Variants in ME3 observed in about 807,000 individuals in gnomAD.
ME3 encodes NADP-dependent malic enzyme, mitochondrial.
A neutral mutation model predicts 68.9 loss-of-function variants in ME3; 48 were observed. That is an observed-to-expected ratio of 0.70 (90% CI 0.55 to 0.89). The LOEUF (loss-of-function observed/expected upper bound fraction) is 0.89. Among genes scored for constraint, ME3 ranks in the 40% least tolerant of loss-of-function variants. ME3 has a pLI of 0.00. For missense variants in ME3, 675 were observed against 797.4 expected (o/e 0.85, Z 1.85); for synonymous variants, 320 against 318.8 (o/e 1.00, Z -0.04).
Position 86,598,033 on chromosome 11 carries a change from T to G in ME3, c.184-38210A>C, listed in dbSNP as rs570135978. Among the ~76,000 whole-genome samples, 14 of 152,000 alleles carry G rather than the reference T, an allele frequency of 9.2e-5. No homozygotes were observed. In the East Asian group the frequency reaches 2.6e-3, roughly 28 times the overall value. ...CAGCATGAGCCATGCAGAAGATGGG[T>G]GATTTCTGCATTTCCATCTGAGGTA... On this transcript the variant is annotated intron_variant, in intron 2 of 14. Coordinates refer to ENST00000543262, the Ensembl canonical transcript of ME3.
At chr11:86,495,580 T>G (rs1260429361) in intron 6 of ME3, among the ~76,000 whole-genome samples, 1 of 152,232 alleles carries the variant, frequency 6.6e-6, no homozygotes, top group Admixed American at 6.5e-5. Flanking sequence ...AAACAAAGTT[T>G]GCTGCGCTCA....
chr11:86,486,334 A>G (rs888541035), intron 7 of ME3, among the ~76,000 whole-genome samples: 14 of 152,198 alleles, frequency 9.2e-5, no homozygotes, highest in Non-Finnish European at 1.3e-4. Flanking sequence ...CACAACACCA[A>G]CAAAACTCTT....
chr11:86,607,862 G>C (rs975436199), intron 2 of ME3, among the ~76,000 whole-genome samples: 3 of 151,904 alleles, frequency 2.0e-5, no homozygotes, highest in Non-Finnish European at 4.4e-5. Flanking sequence ...CAGATATTGG[G>C]GGGGCACTTA....
chr11:86,509,591 T>G (rs1953362897), intron 4 of ME3, among the ~76,000 whole-genome samples: 1 of 152,088 alleles, frequency 6.6e-6, no homozygotes, highest in Non-Finnish European at 1.5e-5. Context: ...GAGGCCAAAG[T>G]CTTAATAGCT....
At chr11:86,525,254 A>T (rs1954647777) in intron 4 of ME3, among the ~76,000 whole-genome samples, 1 of 152,144 alleles carries the variant, frequency 6.6e-6, no homozygotes, top group South Asian at 2.1e-4. Context: ...AATATATGAA[A>T]AGTAGTGAGC....
At chr11:86,549,746 G>A (rs2139405342) in intron 4 of ME3, among the ~76,000 whole-genome samples, 2 of 152,300 alleles carry the variant, frequency 1.3e-5, no homozygotes, top group African/African-American at 4.8e-5. Context: ...AGACTTCTGT[G>A]TAGTGATAGG....
At chr11:86,519,369 A>G (rs570242374) in intron 4 of ME3, among the ~76,000 whole-genome samples, 13 of 152,220 alleles carry the variant, frequency 8.5e-5, no homozygotes, top group Non-Finnish European at 1.6e-4. Flanking sequence ...CACTTAGGAG[A>G]ATGTTATTTC....
At chr11:86,565,534 T>A (rs1394783943) in intron 2 of ME3, among the ~76,000 whole-genome samples, 2 of 152,198 alleles carry the variant, frequency 1.3e-5, no homozygotes, top group Admixed American at 6.5e-5. Flanking sequence ...CAATGAAAAT[T>A]TATTCAGCTA....
intron 5 of ME3, among the ~76,000 whole-genome samples, chr11:86,500,957 A>G (rs1952683455): frequency 6.6e-6 from 1 of 152,158 alleles, no homozygotes; most frequent in Admixed American, 6.5e-5. Context: ...AGACCCGCAC[A>G]AGGTGTTATT....
At chr11:86,605,017 C>A (rs1036410096) in intron 2 of ME3, among the ~76,000 whole-genome samples, 2 of 152,128 alleles carry the variant, frequency 1.3e-5, no homozygotes, top group Non-Finnish European at 2.9e-5. Flanking sequence ...TTCTCCTATT[C>A]CCTAAGCTCT....
rs555165639 is a variant in ME3, at chr11:86,507,710, C to T, written c.543+1082G>A. Among the ~76,000 whole-genome samples, 10 of 152,284 alleles carry T rather than the reference C, an allele frequency of 6.6e-5. No homozygotes were observed. In the South Asian group the frequency reaches 8.3e-4, roughly 13 times the overall value. ...GTATAAAAATTAACATCACTAGGCA[C>T]GGTGGCTCACGCCTGTAATCCCAGA... On this transcript the variant is annotated intron_variant, in intron 5 of 14. Transcript: ENST00000543262.
intron 5 of ME3, among the ~76,000 whole-genome samples, chr11:86,498,694 C>T (rs1952522535): frequency 6.6e-6 from 1 of 152,106 alleles, no homozygotes; most frequent in African/African-American, 2.4e-5. Context: ...TTACCTTTTG[C>T]ATTTGGCAAA....
chr11:86,443,252 C>A (rs1357252422), intron 13 of ME3, among the ~76,000 whole-genome samples: 1 of 152,190 alleles, frequency 6.6e-6, no homozygotes, highest in East Asian at 1.9e-4. Context: ...GCATAGGGAT[C>A]CCTGGGTCCC....
chr11:86,475,419 G>A (rs566475864), intron 7 of ME3, among the ~76,000 whole-genome samples: 33 of 152,228 alleles, frequency 2.2e-4, no homozygotes, highest in East Asian at 1.9e-4. Context: ...CTGTAAAGCC[G>A]GCAGAACCAT....
chr11:86,564,476 A>AAAC (rs58120093), intron 2 of ME3, among the ~76,000 whole-genome samples: 55,481 of 145,170 alleles, frequency 0.38, 12,249 homozygotes, highest in East Asian at 0.52. Context: ...AAAAAAAAAA[A>AAAC]CAGTGTGGGA....
intron 2 of ME3, among the ~76,000 whole-genome samples, chr11:86,662,209 G>A (rs1383903452): frequency 3.3e-5 from 5 of 152,208 alleles, no homozygotes; most frequent in Admixed American, 6.5e-5. Flanking sequence ...TTAGTACAGC[G>A]TAGGGGATAA....
chr11:86,446,347 G>A (rs150098205), exon 13 of ME3: 2 of 1,614,184 alleles, frequency 1.2e-6, no homozygotes, highest in Admixed American at 3.3e-5. Flanking sequence ...CATCTGGGAT[G>A]TGCCGGATCC....
chr11:86,435,391 G>A, the ME3 span: 1 of 152,182 alleles, frequency 6.6e-6, no homozygotes, highest in Non-Finnish European at 1.5e-5. Flanking sequence ...TAAGGACTAG[G>A]TGAATGGGAA....
chr11:86,552,517 G>A (rs147861338), intron 4 of ME3, among the ~76,000 whole-genome samples: 43 of 152,236 alleles, frequency 2.8e-4, no homozygotes, highest in African/African-American at 8.7e-4. Context: ...ACCCTGGTCC[G>A]CCTTCAGCAA....
Sources: gnomAD v4.1 joint callset for allele counts (sites outside exome capture counted in the v4.1 genomes callset) on GRCh38, gnomAD v4.1.1 for gene constraint, MANE v1.5 for transcripts, NCBI Gene and HGNC (gene_info 2026-07-23, HGNC 2026-07-21) for gene names.